The following KCNMA1 variants were observed in gnomAD, a reference collection of about 807,000 sequenced individuals.
The protein encoded by KCNMA1 is potassium calcium-activated channel subfamily M alpha 1.
KCNMA1 carries 29 observed loss-of-function variants against 140.0 expected under a neutral mutation model. The observed-to-expected ratio is 0.21, with a 90% CI of 0.15 to 0.28. The LOEUF is 0.28. KCNMA1 is among the 10% of genes least tolerant of loss of function. KCNMA1 has a pLI of 1.00. For missense variants in KCNMA1, 880 were observed against 1,602.2 expected (o/e 0.55, Z 7.70); for synonymous variants, 612 against 611.9 (o/e 1.00, Z 0.00).
chr10:76,920,020 G>GTATATATATATATATATATATA lies in KCNMA1; in HGVS notation c.2903-4993_2903-4972dup, dbSNP rs1169838049. Reference sequence around the variant, plus strand: ...TGTGTGTGTGTGTGTGTGTGTGTGTGTATATATATATATATATATATATAT... The same window carrying GTATATATATATATATATATATA: ...TGTGTGTGTGTGTGTGTGTGTGTGTGTATATATATATATATATATATATATATATATATATATATATATATAT... On this transcript the variant is annotated intron_variant, in intron 23 of 27. Transcript: ENST00000286628. Among the ~76,000 whole-genome samples, 35 of 34,424 alleles carry GTATATATATATATATATATATA rather than the reference G, an allele frequency of 1.0e-3. 1 individual carries two copies. Among genetic ancestry groups the GTATATATATATATATATATATA allele is most frequent in the East Asian group, 2.6e-3 (2 of 770 alleles). The allele number at this position is 34,424 out of a possible 152,430, so 22.6% of individuals were successfully genotyped here.
At chr10:77,636,578 C>G in intron 1 of KCNMA1, 1 of 1,536,160 alleles carries the variant, frequency 6.5e-7, no homozygotes, top group Non-Finnish European at 8.7e-7. Flanking sequence ...ACCTAAGGGA[C>G]GGAGTGGGAG....
intron 1 of KCNMA1, among the ~76,000 whole-genome samples, chr10:77,571,575 GC>G (rs1157592503): frequency 6.6e-6 from 1 of 152,064 alleles, no homozygotes; most frequent in Non-Finnish European, 1.5e-5. Flanking sequence ...TTCTCCCTTT[GC>G]CCCCCTGCAG....
At chr10:76,945,652 A>G (rs911585326) in intron 22 of KCNMA1, among the ~76,000 whole-genome samples, 2 of 152,206 alleles carry the variant, frequency 1.3e-5, no homozygotes, top group Admixed American at 1.3e-4. Context: ...ATGGAGAAAT[A>G]TACTTTTGGA....
chr10:77,005,172 G>A (rs1053916091), intron 18 of KCNMA1, among the ~76,000 whole-genome samples: 1 of 152,120 alleles, frequency 6.6e-6, no homozygotes, highest in Non-Finnish European at 1.5e-5. Context: ...TGGGCAGTTG[G>A]AACTAGCCTT....
At chr10:77,000,252 C>T (rs2085779867) in intron 19 of KCNMA1, among the ~76,000 whole-genome samples, 1 of 152,170 alleles carries the variant, frequency 6.6e-6, no homozygotes, top group East Asian at 1.9e-4. Flanking sequence ...GAAACGAGAA[C>T]CATCTCCTAC....
chr10:76,984,047 AC>A (rs1312900990), intron 19 of KCNMA1, among the ~76,000 whole-genome samples: 1 of 152,176 alleles, frequency 6.6e-6, no homozygotes, highest in Non-Finnish European at 1.5e-5. Context: ...GAGCTGATCA[AC>A]TTTTCTGTGA....
chr10:77,027,549 T>C (rs994614985), intron 16 of KCNMA1, among the ~76,000 whole-genome samples: 1 of 152,190 alleles, frequency 6.6e-6, no homozygotes, highest in Non-Finnish European at 1.5e-5. Context: ...CAGGTCGGCA[T>C]GATCAGGTGG....
At chr10:77,004,960 A>C (rs2153425932) in intron 18 of KCNMA1, among the ~76,000 whole-genome samples, 1 of 152,296 alleles carries the variant, frequency 6.6e-6, no homozygotes, top group South Asian at 2.1e-4. Context: ...TTCAAACAGA[A>C]GTAAGTTTCT....
intron 14 of KCNMA1, among the ~76,000 whole-genome samples, chr10:77,066,097 G>A (rs1008410659): frequency 4.6e-5 from 7 of 152,202 alleles, no homozygotes; most frequent in African/African-American, 1.7e-4. Flanking sequence ...ACCCCATGGA[G>A]AGACTTATGC....
chr10:77,037,181 C>T (rs1005800098), intron 15 of KCNMA1, among the ~76,000 whole-genome samples: 62 of 152,304 alleles, frequency 4.1e-4, no homozygotes, highest in African/African-American at 1.5e-3. Context: ...CAGTGAAGTT[C>T]CACACCACCC....
At chr10:77,150,609 C>T (rs1201998448) in intron 5 of KCNMA1, among the ~76,000 whole-genome samples, 1 of 152,200 alleles carries the variant, frequency 6.6e-6, no homozygotes, top group Admixed American at 6.5e-5. Flanking sequence ...TCAGAACCAA[C>T]TATGGACTAT....
chr10:77,068,090 G>C (rs555198140), intron 14 of KCNMA1, among the ~76,000 whole-genome samples: 79 of 152,288 alleles, frequency 5.2e-4, no homozygotes, highest in African/African-American at 1.8e-3. Context: ...CTGAGTTTGT[G>C]AATTCCAAAT....
At chr10:77,299,290 T>C (rs182156965) in intron 2 of KCNMA1, among the ~76,000 whole-genome samples, 2 of 152,288 alleles carry the variant, frequency 1.3e-5, no homozygotes, top group Admixed American at 1.3e-4. Context: ...CATGTATTGA[T>C]TAAGCCTTCC....
intron 2 of KCNMA1, among the ~76,000 whole-genome samples, chr10:77,311,131 C>T (rs1477171745): frequency 6.6e-6 from 1 of 152,188 alleles, no homozygotes; most frequent in East Asian, 1.9e-4. Flanking sequence ...TGAAGAGTCT[C>T]CAGCAGAGGA....
At chr10:76,985,036 G>T (rs569501467) in intron 19 of KCNMA1, among the ~76,000 whole-genome samples, 1 of 152,156 alleles carries the variant, frequency 6.6e-6, no homozygotes. Flanking sequence ...GCCCTTCTGC[G>T]GCTTGCAGGC....
intron 1 of KCNMA1, among the ~76,000 whole-genome samples, chr10:77,501,141 A>G (rs905510659): frequency 1.3e-5 from 2 of 152,198 alleles, no homozygotes; most frequent in Non-Finnish European, 2.9e-5. Context: ...GTGACATCAA[A>G]CAAGTTGCTT....
At chr10:77,357,521 C>G (rs192714512) in intron 2 of KCNMA1, among the ~76,000 whole-genome samples, 109 of 152,340 alleles carry the variant, frequency 7.2e-4, no homozygotes, top group Admixed American at 1.6e-3. Context: ...TTTTTATCTT[C>G]CTGTATTCCC....
rs971018016 is a variant in KCNMA1, at chr10:76,886,392, T to G, written c.*874A>C. The G allele has an allele frequency of 4.0e-5, 39 of 985,042 alleles. No homozygotes were observed. Among genetic ancestry groups the G allele is most frequent in the Non-Finnish European group, 4.2e-5 (35 of 829,702 alleles). The allele number at this position is 985,042 out of a possible 1,614,324, so 61.0% of individuals were successfully genotyped here. On this transcript the variant is annotated 3_prime_UTR_variant, in exon 28 of 28. Coordinates refer to ENST00000286628, the MANE Select transcript of KCNMA1 (RefSeq NM_001161352.2). ...GTTTTTAATGACTTACATCTGATAT[T>G]TATGATACATATGGCTTTTCATCCC...
At chr10:76,993,454 C>T (rs976593988) in intron 19 of KCNMA1, among the ~76,000 whole-genome samples, 38 of 152,182 alleles carry the variant, frequency 2.5e-4, no homozygotes, top group African/African-American at 8.7e-4. Context: ...AATTCAGCTG[C>T]TCCAGAGCCA....
Sources: allele counts gnomAD v4.1 joint callset (sites outside exome capture counted in the v4.1 genomes callset), GRCh38; gene constraint gnomAD v4.1.1; transcripts MANE v1.5; gene names NCBI Gene and HGNC (gene_info 2026-07-23, HGNC 2026-07-21).